Variants in TSPAN15 observed in about 807,000 individuals in gnomAD.
TSPAN15 encodes tetraspanin-15.
TSPAN15 carries 20 observed loss-of-function variants against 34.5 expected under a neutral mutation model. The observed-to-expected ratio is 0.58, with a 90% CI of 0.41 to 0.84. The LOEUF (loss-of-function observed/expected upper bound fraction) is 0.84. TSPAN15 is among the 40% of genes least tolerant of loss of function. The pLI is 0.00. For missense variants in TSPAN15, 313 were observed against 386.1 expected (o/e 0.81, Z 1.59); for synonymous variants, 155 against 153.9 (o/e 1.01, Z -0.05).
intron 1 of TSPAN15, among the ~76,000 whole-genome samples, chr10:69,460,552 C>A (rs1841229412): frequency 6.6e-6 from 1 of 152,062 alleles, no homozygotes; most frequent in Non-Finnish European, 1.5e-5. Context: ...CTGGAAAAGA[C>A]CACATGCACG....
intron 4 of TSPAN15, among the ~76,000 whole-genome samples, chr10:69,496,032 A>T (rs1842073074): frequency 6.6e-6 from 1 of 152,088 alleles, no homozygotes; most frequent in East Asian, 1.9e-4. Context: ...ACCACCCTCC[A>T]ATGGGCAAGG....
chr10:69,541,508 C>G, the TSPAN15 span, among the ~76,000 whole-genome samples: 2 of 152,226 alleles, frequency 1.3e-5, no homozygotes, highest in Non-Finnish European at 2.9e-5. Context: ...AGGATGATGA[C>G]CCTCTTCTCA....
At chr10:69,499,515 T>C (rs1010791644) in intron 5 of TSPAN15, among the ~76,000 whole-genome samples, 19 of 152,282 alleles carry the variant, frequency 1.2e-4, no homozygotes, top group African/African-American at 4.6e-4. Context: ...TAAGCTGAGA[T>C]GTGGAAGCCA....
the TSPAN15 span, among the ~76,000 whole-genome samples, chr10:69,530,820 CTATATATATATATATATATATATA>C: frequency 6.5e-5 from 2 of 30,780 alleles, no homozygotes; most frequent in African/African-American, 1.1e-4. Context: ...CTCTCTCTCT[CTATATATATATATATATATATATA>C]TATATATATA....
the TSPAN15 span, among the ~76,000 whole-genome samples, chr10:69,536,483 C>T: frequency 6.6e-6 from 1 of 152,142 alleles, no homozygotes; most frequent in Non-Finnish European, 1.5e-5. Context: ...TATTCGTCTG[C>T]TAGGGCTGCC....
downstream of TSPAN15, among the ~76,000 whole-genome samples, chr10:69,510,446 AG>A (rs1335694295): frequency 1.4e-4 from 21 of 152,238 alleles, no homozygotes; most frequent in Admixed American, 3.3e-4. Context: ...ACTTTGCTGA[AG>A]TTGCTTATCG....
the TSPAN15 span, among the ~76,000 whole-genome samples, chr10:69,517,636 G>A: frequency 0.074 from 11,287 of 152,278 alleles, 531 homozygotes; most frequent in South Asian, 0.12. Flanking sequence ...GACACCCAGA[G>A]GCTCCTGGTC....
rs980214790 is a variant in TSPAN15 at position 69,462,253 on chromosome 10, C to T, written c.96+10563C>T. On this transcript the variant is annotated intron_variant, in intron 1 of 7. Coordinates refer to ENST00000373290, the MANE Select transcript of TSPAN15 (RefSeq NM_012339.5). ...TGGGCTTAAGTGATCCACCTGCTTCCGCTTCCCAAAGTGCTGGGATTATGG... is the reference window on the plus strand; with the variant it reads ...TGGGCTTAAGTGATCCACCTGCTTCTGCTTCCCAAAGTGCTGGGATTATGG... Among the ~76,000 whole-genome samples, 10 of 149,102 alleles carry T rather than the reference C, an allele frequency of 6.7e-5. No individual in the cohort carries two copies. The South Asian group carries it at 8.5e-4, about 13-fold the overall frequency.
chr10:69,468,193 C>G (rs1841429555), intron 1 of TSPAN15, among the ~76,000 whole-genome samples: 1 of 151,934 alleles, frequency 6.6e-6, no homozygotes, highest in African/African-American at 2.4e-5. Context: ...GAGTCCCCAC[C>G]CTTAATCACC....
At chr10:69,539,464 G>GAAGAAGAAGAAGAAGAAGA in the TSPAN15 span, among the ~76,000 whole-genome samples, 3 of 51,344 alleles carry the variant, frequency 5.8e-5, no homozygotes, top group South Asian at 6.2e-4. Flanking sequence ...GAAGAAGAAG[G>GAAGAAGAAGAAGAAGAAGA]AGAAGGAGAA....
intron 1 of TSPAN15, among the ~76,000 whole-genome samples, chr10:69,462,627 G>T (rs962572773): frequency 6.6e-6 from 1 of 152,146 alleles, no homozygotes. Flanking sequence ...GAGCCACCGC[G>T]CCTGGCCCTA....
chr10:69,455,608 C>CTTTCTCTCTTTCTTTCTTTCTTTTTT (rs1428393903), intron 1 of TSPAN15, among the ~76,000 whole-genome samples: 1 of 100,342 alleles, frequency 1.0e-5, no homozygotes, highest in Non-Finnish European at 2.1e-5. Flanking sequence ...TTCTTTCTTT[C>CTTTCTCTCTTTCTTTCTTTCTTTTTT]TCTCTCTCTC....
rs868732194 is a variant in TSPAN15 at position 69,482,981 on chromosome 10, G to T, written c.97-710G>T. ...GCAGGGTTGATTTTTTTTTTTTGTT[G>T]TTGTTGTTGTTGTTTTTTGTTTTTT... On this transcript the variant is annotated intron_variant, in intron 1 of 7. Transcript: ENST00000373290. Among the ~76,000 whole-genome samples, 270 of 151,860 alleles carry T rather than the reference G, an allele frequency of 1.8e-3. 1 individual carries two copies. Among genetic ancestry groups the T allele is most frequent in the African/African-American group, 6.2e-3 (258 of 41,446 alleles).
At chr10:69,493,834 C>T (rs181745388) in intron 3 of TSPAN15, among the ~76,000 whole-genome samples, 35 of 152,048 alleles carry the variant, frequency 2.3e-4, no homozygotes, top group Non-Finnish European at 4.0e-4. Context: ...AGGCTGGTCT[C>T]GAACTCCTGA....
intron 1 of TSPAN15, among the ~76,000 whole-genome samples, chr10:69,483,296 T>A (rs747970660): frequency 6.6e-6 from 1 of 152,116 alleles, no homozygotes; most frequent in Non-Finnish European, 1.5e-5. Context: ...CCTGCAGGGT[T>A]GATTTCTTCC....
chr10:69,507,743 G>A, downstream of TSPAN15: 1 of 998,454 alleles, frequency 1.0e-6, no homozygotes, highest in East Asian at 6.1e-5. Flanking sequence ...GAAACCCCTT[G>A]TGGATGCGAG....
At chr10:69,541,688 G>T in the TSPAN15 span, among the ~76,000 whole-genome samples, 1 of 152,282 alleles carries the variant, frequency 6.6e-6, no homozygotes, top group African/African-American at 2.4e-5. Context: ...AATTTAGGCA[G>T]AGGTTCTCAA....
downstream of TSPAN15, among the ~76,000 whole-genome samples, chr10:69,509,776 G>A (rs536518743): frequency 2.3e-4 from 35 of 152,240 alleles, no homozygotes; most frequent in African/African-American, 8.2e-4. Flanking sequence ...TGTAAGGAAG[G>A]GGTCCAGTTT....
intron 1 of TSPAN15, among the ~76,000 whole-genome samples, chr10:69,461,666 G>C (rs1392376761): frequency 1.3e-5 from 2 of 152,164 alleles, no homozygotes; most frequent in Non-Finnish European, 2.9e-5. Context: ...CCAGGTGCTG[G>C]GTGCAGGCAT....
Sources: gnomAD v4.1 joint callset for allele counts (sites outside exome capture counted in the v4.1 genomes callset) on GRCh38, gnomAD v4.1.1 for gene constraint, MANE v1.5 for transcripts, NCBI Gene and HGNC (gene_info 2026-07-23, HGNC 2026-07-21) for gene names.